EYS: variants seen among roughly 807,000 people sequenced by gnomAD.
EYS encodes the protein protein eyes shut homolog.
A neutral mutation model predicts 282.1 loss-of-function variants in EYS; 250 were observed. That is an observed-to-expected ratio of 0.89 (90% CI 0.80 to 0.98). The LOEUF is 0.98. Among genes scored for constraint, EYS ranks in the 50% least tolerant of loss-of-function variants. EYS has a pLI of 0.00. For synonymous variants in EYS, 1,355 were observed against 1,282.9 expected, an observed-to-expected ratio of 1.06 and a Z score of -1.20; for missense variants, 4,016 against 3,709.0, an observed-to-expected ratio of 1.08 and a Z score of -2.15.
chr6:64,922,348 G>A (rs1017685446), intron 15 of EYS, among the ~76,000 whole-genome samples: 1 of 152,066 alleles, frequency 6.6e-6, no homozygotes, highest in Admixed American at 6.5e-5. Context: ...TAAATTTAAA[G>A]ATAAGAAAAA....
At chr6:65,494,559 G>A (rs1766165298) in intron 4 of EYS, 104 bp downstream of exon 4, 2 of 1,102,318 alleles carry the variant, frequency 1.8e-6, no homozygotes, top group East Asian at 2.6e-5. Context: ...GGGATTACAG[G>A]TGTGAGCCAC....
chr6:63,855,175 A>G (rs1562061879), intron 36 of EYS, among the ~76,000 whole-genome samples: 1 of 152,248 alleles, frequency 6.6e-6, no homozygotes, highest in African/African-American at 2.4e-5. Context: ...AGTGATCTAA[A>G]GAAAGACAAG....
At chr6:65,169,001 A>G (rs774104300) in intron 12 of EYS, among the ~76,000 whole-genome samples, 7 of 151,498 alleles carry the variant, frequency 4.6e-5, no homozygotes, top group Admixed American at 1.3e-4. Context: ...ACAATTGTTC[A>G]GCATTTTTAA....
intron 13 of EYS, among the ~76,000 whole-genome samples, chr6:65,005,704 G>A (rs1338725704): frequency 6.8e-6 from 1 of 147,726 alleles, no homozygotes; most frequent in African/African-American, 2.4e-5. Flanking sequence ...TATTGGGGAT[G>A]TTGATCTGCC....
intron 2 of EYS, among the ~76,000 whole-genome samples, chr6:65,611,412 TGGG>T (rs1765995489): frequency 6.6e-6 from 1 of 151,980 alleles, no homozygotes; most frequent in East Asian, 1.9e-4. Context: ...GAATATAATA[TGGG>T]TATATAAGAA....
At position 64,590,469 on chromosome 6, in the gene EYS, G is replaced by C. The variant is rs1186798821; in HGVS notation, c.5398C>G (p.Pro1800Ala). 6.4e-7 allele frequency: 1 copy of C among 1,551,298 alleles called. No homozygotes were observed. Among genetic ancestry groups the C allele is most frequent in the Non-Finnish European group, 8.7e-7 (1 of 1,146,798 alleles). ...GAAGACGTCTGTATTGAAAGTGCTGGAGTTGCTGAAACTGTATAAAATGCA... is the reference window on the plus strand; with the variant it reads ...GAAGACGTCTGTATTGAAAGTGCTGCAGTTGCTGAAACTGTATAAAATGCA... The part of the protein sequence containing the change: ...NVAFYTVSAT[P>A]ALSIQTSSSM... Residue 1800 changes from proline (P) to alanine (A), a missense_variant, in exon 26 of 43, where the codon CCA (proline) becomes GCA (alanine). Transcript: ENST00000503581.
chr6:65,057,619 A>T lies in EYS; in HGVS notation c.2132T>A (p.Phe711Tyr), dbSNP rs1021299846. The T allele has an allele frequency of 6.5e-7, 1 of 1,543,282 alleles. No homozygotes were observed. Among genetic ancestry groups the T allele is most frequent in the Admixed American group, 2.0e-5 (1 of 50,950 alleles). The change falls in exon 13 of 43, where the codon TTT becomes TAT. Residue 711 changes from phenylalanine to tyrosine, a missense_variant. Phe to Tyr is a conservative substitution (Grantham distance 22). Transcript: ENST00000503581. ...GNYFCQCVPP[F>Y]KVVDGFSCLC... ...TATCCCTTGGTGTTCATTACCTTTA[A>T]ATGGAGGCACACACTGGCAGAAGTA...
At chr6:64,092,034 G>A (rs1162226499) in intron 31 of EYS, among the ~76,000 whole-genome samples, 1 of 152,104 alleles carries the variant, frequency 6.6e-6, no homozygotes, top group East Asian at 1.9e-4. Flanking sequence ...AGTTTGCTGA[G>A]AATGATGGTT....
chr6:64,438,006 C>T (rs1582751987), intron 27 of EYS, among the ~76,000 whole-genome samples: 1 of 151,580 alleles, frequency 6.6e-6, no homozygotes, highest in African/African-American at 2.4e-5. Context: ...CCTTATTGTG[C>T]TGAGTTATTG....
At chr6:63,843,083 C>G (rs74532499) in intron 36 of EYS, among the ~76,000 whole-genome samples, 1 of 152,036 alleles carries the variant, frequency 6.6e-6, no homozygotes, top group Admixed American at 6.6e-5. Flanking sequence ...ATTGTCTTGG[C>G]TATACAAGCT....
intron 31 of EYS, among the ~76,000 whole-genome samples, chr6:64,084,013 C>G (rs559381481): frequency 1.1e-4 from 17 of 152,336 alleles, no homozygotes; most frequent in Non-Finnish European, 2.1e-4. Context: ...GCTGGGATTA[C>G]AGGCGTGAGC....
intron 12 of EYS, among the ~76,000 whole-genome samples, chr6:65,162,973 C>T (rs1295408207): frequency 6.7e-6 from 1 of 149,526 alleles, no homozygotes; most frequent in Non-Finnish European, 1.5e-5. Context: ...TTTTCATGCT[C>T]TTGTTTTTTT....
chr6:64,645,645 C>T lies in EYS; in HGVS notation c.3444-19400G>A, dbSNP rs188651565. On this transcript the variant is annotated intron_variant, in intron 22 of 42. Transcript: ENST00000503581. ...TTTTTCATCTGTAATATTTGGATTA[C>T]ATTAGAACCAAAATCGTAGGTCTTT... is the stretch of plus-strand genomic sequence containing the variant. Among the ~76,000 whole-genome samples, 87 of 152,208 alleles carry T rather than the reference C, an allele frequency of 5.7e-4. 1 individual carries two copies. Among genetic ancestry groups the T allele is most frequent in the Admixed American group, 9.8e-4 (15 of 15,286 alleles).
intron 40 of EYS, 84 bp from the exon 41 acceptor site, chr6:63,762,717 C>A: frequency 1.6e-6 from 2 of 1,260,628 alleles, no homozygotes; most frequent in South Asian, 3.1e-5. Context: ...GCTAACTTGT[C>A]AATTTTAACT....
chr6:65,627,576 C>G (rs1766754751), intron 2 of EYS, among the ~76,000 whole-genome samples: 1 of 152,146 alleles, frequency 6.6e-6, no homozygotes, highest in Admixed American at 6.5e-5. Context: ...TGCGGGCCAG[C>G]TGGAGTTCCG....
At chr6:65,666,739 G>T (rs1379351688) in intron 1 of EYS, among the ~76,000 whole-genome samples, 1 of 151,304 alleles carries the variant, frequency 6.6e-6, no homozygotes, top group Non-Finnish European at 1.5e-5. Flanking sequence ...GAAACCATAT[G>T]TGAAAATAAA....
intron 33 of EYS, among the ~76,000 whole-genome samples, chr6:63,999,606 C>A (rs568321467): frequency 6.6e-6 from 1 of 152,204 alleles, no homozygotes; most frequent in East Asian, 1.9e-4. Flanking sequence ...CCCTGGCCTA[C>A]AGGGAAATTG....
At chr6:64,198,618 T>C (rs971000642) in intron 31 of EYS, among the ~76,000 whole-genome samples, 6 of 152,112 alleles carry the variant, frequency 3.9e-5, no homozygotes, top group Admixed American at 1.3e-4. Flanking sequence ...AGAATGATGG[T>C]TCCCAGCTTC....
chr6:65,342,948 T>C (rs1403260889), intron 10 of EYS, among the ~76,000 whole-genome samples: 1 of 151,114 alleles, frequency 6.6e-6, no homozygotes, highest in African/African-American at 2.4e-5. Context: ...TTATAATATG[T>C]AACTATTTTT....
Sources: gnomAD v4.1 joint callset for allele counts (sites outside exome capture counted in the v4.1 genomes callset) on GRCh38, gnomAD v4.1.1 for gene constraint, MANE v1.5 for transcripts, NCBI Gene and HGNC (gene_info 2026-07-23, HGNC 2026-07-21) for gene names.